The following PCDHGA8 variants were observed in gnomAD, a reference collection of about 807,000 sequenced individuals.
The protein encoded by PCDHGA8 is protocadherin gamma-A8.
In PCDHGA8, 45 loss-of-function variants were observed where a neutral mutation model predicts 59.2. The ratio of observed to expected loss-of-function variants is 0.76; its 90% CI spans 0.60 to 0.98. PCDHGA8 has a LOEUF of 0.98. Among genes scored for constraint, PCDHGA8 ranks in the 50% least tolerant of loss-of-function variants. The probability of loss-of-function intolerance (pLI) is 0.00; values close to 1 mark genes in which losing one functional copy is unlikely to be tolerated. For missense variants in PCDHGA8, 1,257 were observed against 1,196.2 expected (o/e 1.05, Z -0.75); for synonymous variants, 531 against 519.0 (o/e 1.02, Z -0.32).
chr5:141,399,968 G>T (rs1173181110), intron 1 of PCDHGA8: 2 of 1,612,128 alleles, frequency 1.2e-6, no homozygotes, highest in Non-Finnish European at 1.7e-6. Flanking sequence ...GGGCTCTTCA[G>T]CCTGGGGCTG....
Position 141,485,298 on chromosome 5 carries a change from G to A in PCDHGA8, c.2425-9509G>A, listed in dbSNP as rs1562104502. 1 of 1,613,978 alleles carries A rather than the reference G, an allele frequency of 6.2e-7. No individual in the cohort carries two copies. On this transcript the variant is annotated intron_variant, in intron 1 of 3. Coordinates refer to ENST00000398604, the MANE Select transcript of PCDHGA8 (RefSeq NM_032088.2). This position sits in a 1 kb window ranked among gnomAD's most constrained non-coding sequence, Gnocchi z 5.7. ...CCGGTCCCAGAGGAGTCACAGGAAG[G>A]GACTTTTGTAGGGAATGTCGCTCAA...
chr5:141,417,830 G>C (rs2096166388), intron 1 of PCDHGA8: 1 of 1,527,028 alleles, frequency 6.5e-7, no homozygotes, highest in African/African-American at 1.4e-5. Flanking sequence ...AACTGGAAAA[G>C]CGGGGACCCA....
chr5:141,413,836 G>A, intron 1 of PCDHGA8: 2 of 1,613,256 alleles, frequency 1.2e-6, no homozygotes, highest in Non-Finnish European at 1.7e-6. Context: ...CGCCTCCGAC[G>A]GGGGTGACCC....
intron 1 of PCDHGA8, chr5:141,409,740 T>C: frequency 6.2e-7 from 1 of 1,612,820 alleles, no homozygotes; most frequent in Non-Finnish European, 8.5e-7. Context: ...CAGAGCGGGG[T>C]GGTGTTCGCG....
rs765586654 is a variant in PCDHGA8 at position 141,421,994 on chromosome 5, T to C, written c.2424+26757T>C. 8 of 1,608,922 alleles carry C rather than the reference T, an allele frequency of 5.0e-6. No homozygotes were observed. In the African/African-American group the frequency reaches 5.4e-5, roughly 11 times the overall value. On this transcript the variant is annotated intron_variant, in intron 1 of 3. Coordinates refer to ENST00000398604, the MANE Select transcript of PCDHGA8 (RefSeq NM_032088.2). ...TATCGCGTGAGTGTTCCAGAAAACA[T>C]CAGCTCCGGAACTCGGGTGCTGATG...
At chr5:141,502,547 C>G (rs1340258642) in intron 2 of PCDHGA8, among the ~76,000 whole-genome samples, 2 of 152,156 alleles carry the variant, frequency 1.3e-5, no homozygotes, top group East Asian at 3.8e-4. Context: ...GTGGTAAAAA[C>G]AGTGTCCCAG....
At chr5:141,403,507 A>G (rs373170550) in intron 1 of PCDHGA8, 1 of 1,614,006 alleles carries the variant, frequency 6.2e-7, no homozygotes, top group Non-Finnish European at 8.5e-7. Context: ...TGCAGACTGG[A>G]GACAATGGAG....
At position 141,487,080 on chromosome 5, in the gene PCDHGA8, C is replaced by G. The variant is rs2154580766; in HGVS notation, c.2425-7727C>G. 1 of 1,614,126 alleles carries G rather than the reference C, an allele frequency of 6.2e-7. No individual in the cohort carries two copies. Among genetic ancestry groups the G allele is most frequent in the East Asian group, 2.2e-5 (1 of 44,872 alleles). On this transcript the variant is annotated intron_variant, in intron 1 of 3. Coordinates refer to ENST00000398604, the MANE Select transcript of PCDHGA8 (RefSeq NM_032088.2). This position sits in a 1 kb window ranked among gnomAD's most constrained non-coding sequence, Gnocchi z 5.0. ...GTGCGGACGGCTGTTCCTATCCCAG[C>G]TGACCTCCCACCACAGAAGCTGGTC...
chr5:141,483,904 T>A (rs11750647), intron 1 of PCDHGA8, among the ~76,000 whole-genome samples: 24,531 of 151,676 alleles, frequency 0.16, 2,105 homozygotes, highest in African/African-American at 0.21. Context: ...CTCTGGTGTG[T>A]TTCCCACTCA....
At position 141,476,752 on chromosome 5, in the gene PCDHGA8, A is replaced by C. The variant is rs771355583; in HGVS notation, c.2425-18055A>C. The C allele has an allele frequency of 6.2e-7, 1 of 1,613,926 alleles. No homozygotes were observed. The highest frequency in any genetic ancestry group is 1.1e-5 in the South Asian group (1 of 91,080). Reference sequence around the variant, plus strand: ...GAGAACGGGAGCCTAGTCTCCAGTTAGTGCTGACGGCGTTGGACGGAGGGA... The same window carrying C: ...GAGAACGGGAGCCTAGTCTCCAGTTCGTGCTGACGGCGTTGGACGGAGGGA... On this transcript the variant is annotated intron_variant, in intron 1 of 3. Transcript: ENST00000398604. The surrounding 1 kb of genome is among the most constrained non-coding windows in gnomAD (Gnocchi z 7.6).
intron 1 of PCDHGA8, chr5:141,441,078 G>T (rs1443239760): frequency 2.0e-5 from 3 of 152,140 alleles, no homozygotes; most frequent in Non-Finnish European, 4.4e-5. Context: ...CCATGGTTTT[G>T]GTAGCAAGTG....
intron 1 of PCDHGA8, chr5:141,441,477 C>T (rs529495102): frequency 1.2e-4 from 20 of 170,782 alleles, no homozygotes; most frequent in Middle Eastern, 5.7e-4. Context: ...ATGCCAACGA[C>T]AATGCTCTGG....
chr5:141,503,046 G>T (rs1187153008), intron 2 of PCDHGA8, among the ~76,000 whole-genome samples: 1 of 151,658 alleles, frequency 6.6e-6, no homozygotes, highest in Non-Finnish European at 1.5e-5. Flanking sequence ...GTTGAGACAG[G>T]GTTTCACCAT....
At chr5:141,403,334 G>T (rs2094392979) in intron 1 of PCDHGA8, 2 of 1,613,972 alleles carry the variant, frequency 1.2e-6, no homozygotes, top group Non-Finnish European at 1.7e-6. Flanking sequence ...TGATATTAAC[G>T]ACAGCGCCCC....
Position 141,432,123 on chromosome 5 carries a change from C to G in PCDHGA8, c.2424+36886C>G, listed in dbSNP as rs1224794803. On this transcript the variant is annotated intron_variant, in intron 1 of 3. Transcript: ENST00000398604. This position sits in a 1 kb window ranked among gnomAD's most constrained non-coding sequence, Gnocchi z 6.0. ...GACAACCCGCCGGTCTTCCCTCAGG[C>G]CTCCTATTCCGCTTATATCCCAGAG... 1 of 1,614,172 alleles carries G rather than the reference C, an allele frequency of 6.2e-7. No homozygotes were observed. Among genetic ancestry groups the G allele is most frequent in the Admixed American group, 1.7e-5 (1 of 60,022 alleles).
intron 1 of PCDHGA8, chr5:141,408,054 C>G (rs1561710214): frequency 1.5e-6 from 2 of 1,295,924 alleles, no homozygotes; most frequent in East Asian, 2.6e-5. Flanking sequence ...CACAGAGCCT[C>G]CCGGCTGCGC....
intron 1 of PCDHGA8, chr5:141,422,227 A>G: frequency 6.4e-7 from 1 of 1,566,716 alleles, no homozygotes; most frequent in Non-Finnish European, 8.6e-7. Context: ...CACCACGACG[A>G]TGTTGATCAC....
chr5:141,434,132 G>A (rs2097674012), intron 1 of PCDHGA8, among the ~76,000 whole-genome samples: 1 of 152,194 alleles, frequency 6.6e-6, no homozygotes, highest in South Asian at 2.1e-4. Context: ...CCTTTAGGCT[G>A]ATTTCTATGT....
Position 141,490,849 on chromosome 5 carries a change from C to T in PCDHGA8, c.2425-3958C>T, listed in dbSNP as rs200640560. The stretch of plus-strand genomic sequence containing the variant: ...GATGCTGCAGATTGTGGTGGGGGTT[C>T]GAGACTCCGGCTCTCCCCCATTGCA... On this transcript the variant is annotated intron_variant, in intron 1 of 3. Coordinates refer to ENST00000398604, the MANE Select transcript of PCDHGA8 (RefSeq NM_032088.2). This position sits in a 1 kb window ranked among gnomAD's most constrained non-coding sequence, Gnocchi z 5.4. The T allele has an allele frequency of 1.3e-5, 21 of 1,613,748 alleles. No individual in the cohort carries two copies. Among genetic ancestry groups the T allele is most frequent in the Admixed American group, 1.7e-5 (1 of 60,022 alleles).
Sources: gnomAD v4.1 joint callset for allele counts (sites outside exome capture counted in the v4.1 genomes callset) on GRCh38, gnomAD v4.1.1 for gene constraint, Gnocchi (gnomAD v3.1) non-coding constraint, MANE v1.5 for transcripts, NCBI Gene and HGNC (gene_info 2026-07-23, HGNC 2026-07-21) for gene names.